Variants in GALNT6 observed in about 807,000 individuals in gnomAD.
GALNT6 encodes the protein GalNAc transferase 6.
In GALNT6, 51 loss-of-function variants were observed where a neutral mutation model predicts 65.9. That is an observed-to-expected ratio of 0.77 (90% CI 0.62 to 0.98). GALNT6 has a LOEUF of 0.98. Among genes scored for constraint, GALNT6 ranks in the 50% least tolerant of loss-of-function variants. GALNT6 has a pLI of 0.00. For synonymous variants in GALNT6, 323 were observed against 315.1 expected (o/e 1.02, Z -0.26); for missense variants, 708 against 803.3 (o/e 0.88, Z 1.43).
At chr12:51,365,383 G>C (rs1947064759) in intron 5 of GALNT6, 47 bp downstream of exon 5, 2 of 1,553,136 alleles carry the variant, frequency 1.3e-6, no homozygotes, top group African/African-American at 1.4e-5. Flanking sequence ...CATTCTAGCA[G>C]GGAGGGAGCC....
intron 4 of GALNT6, 87 bp downstream of exon 4, chr12:51,377,108 T>C: frequency 1.8e-6 from 2 of 1,131,998 alleles, no homozygotes; most frequent in Non-Finnish European, 2.6e-6. Context: ...CATGAGGTGG[T>C]GCCTGCTCCC....
chr12:51,366,777 G>A (rs1350668430), intron 4 of GALNT6, among the ~76,000 whole-genome samples: 1 of 152,234 alleles, frequency 6.6e-6, no homozygotes, highest in African/African-American at 2.4e-5. Flanking sequence ...TCCTTTCAAA[G>A]AAGAGTTTTA....
At chr12:51,363,992 TGAG>T in intron 6 of GALNT6, 126 bp downstream of exon 6, 1 of 716,168 alleles carries the variant, frequency 1.4e-6, no homozygotes, top group Non-Finnish European at 2.6e-6. Flanking sequence ...TCATAGGGAG[TGAG>T]GATTAATCAC....
At chr12:51,388,485 A>G (rs899393630) in intron 2 of GALNT6, among the ~76,000 whole-genome samples, 2 of 152,098 alleles carry the variant, frequency 1.3e-5, no homozygotes, top group African/African-American at 4.8e-5. Flanking sequence ...TAAGCAAGCC[A>G]TATTTCTTTT....
chr12:51,378,437 A>T (rs1042866807), intron 3 of GALNT6, among the ~76,000 whole-genome samples: 1 of 152,060 alleles, frequency 6.6e-6, no homozygotes, highest in Non-Finnish European at 1.5e-5. Flanking sequence ...GATTATAGGC[A>T]TGAGCCACTG....
Position 51,365,432 on chromosome 12 carries a change from T to C in GALNT6, c.812A>G (p.His271Arg), listed in dbSNP as rs770497468. 1 of 1,609,088 alleles carries C rather than the reference T, an allele frequency of 6.2e-7. No homozygotes were observed. Among genetic ancestry groups the C allele is most frequent in the Non-Finnish European group, 8.5e-7 (1 of 1,177,802 alleles). The change falls in exon 5 of 12, where the codon CAC (histidine) becomes CGC (arginine). Residue 271 changes from histidine to arginine, a missense_variant and splice_region_variant. Transcript: ENST00000356317. Reference protein sequence around the residue: ...QAEVLTFLDAHCECFHGWLEP... With the variant: ...QAEVLTFLDARCECFHGWLEP... Reference sequence around the variant, plus strand: ...CAGGCCGGTGCCCTGGTACTCACAGTGGGCATCCAGGAACGTGAGCACCTC... The same window carrying C: ...CAGGCCGGTGCCCTGGTACTCACAGCGGGCATCCAGGAACGTGAGCACCTC...
rs562810433 is a variant in GALNT6 at position 51,362,983 on chromosome 12, G to A, written c.1049+1138C>T. Among the ~76,000 whole-genome samples the A allele has an allele frequency of 9.9e-5, 15 of 152,158 alleles. No homozygotes were observed. In the East Asian group the frequency reaches 2.7e-3, roughly 27 times the overall value. On this transcript the variant is annotated intron_variant, in intron 6 of 11. Transcript: ENST00000356317. Reference sequence around the variant, plus strand: ...CTCTCATCTAGCTGGGATTACAGGTGTGGGCCACTGTGCCTGGCATGGACA... The same window carrying A: ...CTCTCATCTAGCTGGGATTACAGGTATGGGCCACTGTGCCTGGCATGGACA...
intron 7 of GALNT6, chr12:51,359,627 G>A (rs1946857427): frequency 7.0e-6 from 2 of 285,370 alleles, no homozygotes; most frequent in Admixed American, 5.1e-5. Flanking sequence ...TTTGTTACCT[G>A]TGCCTGTATA....
At chr12:51,361,457 A>G (rs1335260200) in intron 6 of GALNT6, among the ~76,000 whole-genome samples, 1 of 152,200 alleles carries the variant, frequency 6.6e-6, no homozygotes, top group Non-Finnish European at 1.5e-5. Context: ...AGAAGTTGCC[A>G]GTTGCTTTTA....
intron 4 of GALNT6, among the ~76,000 whole-genome samples, chr12:51,376,893 G>T (rs1192383677): frequency 6.6e-6 from 1 of 152,146 alleles, no homozygotes; most frequent in Non-Finnish European, 1.5e-5. Flanking sequence ...AGAGGTGAAG[G>T]CCTGTCCCTA....
chr12:51,355,432 A>G (rs1187992347), intron 11 of GALNT6, among the ~76,000 whole-genome samples: 1 of 152,126 alleles, frequency 6.6e-6, no homozygotes, highest in Non-Finnish European at 1.5e-5. Context: ...GAAAATGAAG[A>G]AAATATAGAG....
Position 51,364,124 on chromosome 12 carries a change from A to G in GALNT6, c.1046T>C (p.Ile349Thr). 3.7e-6 allele frequency: 6 copies of G among 1,611,510 alleles called. No individual in the cohort carries two copies. Among genetic ancestry groups the G allele is most frequent in the Non-Finnish European group, 5.1e-6 (6 of 1,177,672 alleles). Reference sequence around the variant, plus strand: ...CTCACCAGGCTGCGGTCCTTACTTGATGGGGTAGGTTTCATCCTTGCGCCT... The same window carrying G: ...CTCACCAGGCTGCGGTCCTTACTTGGTGGGGTAGGTTTCATCCTTGCGCCT... The part of the protein sequence containing the change: ...KQRRKDETYP[I>T]KSPTFAGGLF... Residue 349 changes from isoleucine to threonine, a missense_variant, in exon 6 of 12, where the codon ATC (isoleucine) becomes ACC (threonine). By Grantham distance (89) the Ile-to-Thr change is moderately conservative. Transcript: ENST00000356317.
Position 51,352,025 on chromosome 12 carries a change from G to T in GALNT6, c.*2354C>A, listed in dbSNP as rs1371227730. On this transcript the variant is annotated 3_prime_UTR_variant, in exon 12 of 12. Transcript: ENST00000356317. ...ATGTCTCCTCTGTAGGCTCCAGAAG[G>T]CTCTCAGGGATGTAGGCGGCCTCCC... is the stretch of plus-strand genomic sequence containing the variant. The T allele has an allele frequency of 6.6e-6, 1 of 152,254 alleles. No individual in the cohort carries two copies. The highest frequency in any genetic ancestry group is 1.5e-5 in the Non-Finnish European group (1 of 68,094). The allele number at this position is 152,254 out of a possible 1,614,324, so 9.4% of individuals were successfully genotyped here. A position where few individuals can be genotyped will look rare whatever the true frequency, so the allele number is the denominator to read the frequency against.
chr12:51,379,751 G>A lies in GALNT6; in HGVS notation c.31C>T (p.Leu11=), dbSNP rs552149994. 1 of 1,610,930 alleles carries A rather than the reference G, an allele frequency of 6.2e-7. No homozygotes were observed. Among genetic ancestry groups the A allele is most frequent in the South Asian group, 1.1e-5 (1 of 91,050 alleles). The stretch of plus-strand genomic sequence containing the variant: ...GCGCAGCCCACCATGGCCAGGCGCA[G>A]GGGCATGTGGCGTCTGCGGAGGAGC... The part of the protein sequence containing the change: MRLLRRRHMP[L]RLAMVGCAFV... The change falls in exon 3 of 12, where the codon CTG becomes TTG. Residue 11 remains leucine, a synonymous_variant. Transcript: ENST00000356317.
At position 51,351,548 on chromosome 12, in the gene GALNT6, T is replaced by A. The variant is rs1946615300; in HGVS notation, c.*2831A>T. ...ATCTTCCGAGGTCTTAGGTCAAACA[T>A]TGCCATCTTTGTGAGGCCTTATCTG... On this transcript the variant is annotated 3_prime_UTR_variant, in exon 12 of 12. Transcript: ENST00000356317. 1 of 152,210 alleles carries A rather than the reference T, an allele frequency of 6.6e-6. No homozygotes were observed. The highest frequency in any genetic ancestry group is 1.5e-5 in the Non-Finnish European group (1 of 68,040). 9.4% of individuals were successfully genotyped at this position (152,210 alleles called of 1,614,324 possible). A position where few individuals can be genotyped will look rare whatever the true frequency, so the allele number is the denominator to read the frequency against.
intron 4 of GALNT6, among the ~76,000 whole-genome samples, chr12:51,368,625 C>G (rs572143209): frequency 1.3e-5 from 2 of 152,010 alleles, no homozygotes; most frequent in South Asian, 4.2e-4. Flanking sequence ...AGGCTGGTCT[C>G]GAATTCCTGA....
In GALNT6 at chr12:51,377,283, T is replaced by C. The variant is rs762184696; in HGVS notation, c.576A>G (p.Thr192=). ...GGACGCTGTACACTGTTCGCAGCAG[T>C]GTGGACCAGGCTTCGTTGTGGAACA... is the stretch of plus-strand genomic sequence containing the variant. The part of the protein sequence containing the change: ...IIVFHNEAWS[T]LLRTVYSVLH... The change falls in exon 4 of 12, where the codon ACA becomes ACG. Residue 192 remains threonine (T), a synonymous_variant. Transcript: ENST00000356317. 2 of 1,613,744 alleles carry C rather than the reference T, an allele frequency of 1.2e-6. No individual in the cohort carries two copies. The highest frequency in any genetic ancestry group is 3.3e-5 in the Admixed American group (2 of 60,030).
upstream of GALNT6, chr12:51,391,412 C>A (rs1457083194): frequency 6.5e-5 from 10 of 153,654 alleles, no homozygotes; most frequent in Non-Finnish European, 1.5e-4. Flanking sequence ...GAGGGACCAG[C>A]CTGGCCCAGC....
At chr12:51,386,803 T>C (rs1565738097) in intron 2 of GALNT6, among the ~76,000 whole-genome samples, 1 of 152,182 alleles carries the variant, frequency 6.6e-6, no homozygotes, top group Non-Finnish European at 1.5e-5. Flanking sequence ...TTCTTCCTCA[T>C]AAGCACTTTC....
Sources: gnomAD v4.1 joint callset for allele counts (sites outside exome capture counted in the v4.1 genomes callset) on GRCh38, gnomAD v4.1.1 for gene constraint, MANE v1.5 for transcripts, NCBI Gene and HGNC (gene_info 2026-07-23, HGNC 2026-07-21) for gene names.